KIF7: variants seen among roughly 807,000 people sequenced by gnomAD.
The protein encoded by KIF7 is kinesin family member 7, also known as kinesin-like protein KIF7.
Under a neutral mutation model 135.7 loss-of-function variants are expected in KIF7, and 104 were observed. That is an observed-to-expected ratio of 0.77 (90% CI 0.65 to 0.90). The LOEUF is 0.90. Ranked by LOEUF, KIF7 falls within the 40% of genes least tolerant of loss-of-function variation. The pLI is 0.00. For missense variants in KIF7, 2,005 were observed against 1,839.1 expected, an observed-to-expected ratio of 1.09 and a Z score of -1.65; for synonymous variants, 883 against 809.4, an observed-to-expected ratio of 1.09 and a Z score of -1.54.
At chr15:89,622,484 G>A (rs893728683) in intron 1 of KIF7, among the ~76,000 whole-genome samples, 3 of 152,126 alleles carry the variant, frequency 2.0e-5, no homozygotes, top group Admixed American at 6.5e-5. Context: ...TAGACTCCCC[G>A]TCCGCTAAAG....
At chr15:89,641,722 A>AC (rs1423178305) in intron 11 of KIF7, among the ~76,000 whole-genome samples, 1 of 152,060 alleles carries the variant, frequency 6.6e-6, no homozygotes, top group Non-Finnish European at 1.5e-5. Context: ...AATCACTTGA[A>AC]CCCAGGAGGC....
downstream of KIF7, chr15:89,624,402 CT>C: frequency 6.2e-7 from 1 of 1,614,192 alleles, no homozygotes. Context: ...CCCCTGAACT[CT>C]CACAGAGAGC....
At chr15:89,628,934 G>A in intron 18 of KIF7, 42 bp downstream of exon 18, 1 of 1,613,796 alleles carries the variant, frequency 6.2e-7, no homozygotes, top group Non-Finnish European at 8.5e-7. Context: ...TTTCCCCAAA[G>A]AAAGGGAACA....
At chr15:89,662,227 T>C in the KIF7 span, among the ~76,000 whole-genome samples, 1 of 151,990 alleles carries the variant, frequency 6.6e-6, no homozygotes, top group African/African-American at 2.4e-5. Context: ...CCAGGCATGG[T>C]GGTTCACACC....
intron 11 of KIF7, among the ~76,000 whole-genome samples, chr15:89,637,681 G>C (rs1323070567): frequency 4.1e-5 from 6 of 146,010 alleles, no homozygotes; most frequent in Non-Finnish European, 9.1e-5. Context: ...ATAATCAATA[G>C]CTTACCAACC....
chr15:89,618,828 A>G (rs906059043), intron 1 of KIF7, among the ~76,000 whole-genome samples: 1 of 152,196 alleles, frequency 6.6e-6, no homozygotes. Context: ...TCATGTTGGC[A>G]TACTCCTATG....
chr15:89,634,726 G>A (rs1963766534), intron 11 of KIF7, among the ~76,000 whole-genome samples: 1 of 152,240 alleles, frequency 6.6e-6, no homozygotes, highest in Non-Finnish European at 1.5e-5. Context: ...AGATCAAACT[G>A]CAAGGTGGCA....
At chr15:89,631,443 C>T in intron 15 of KIF7, 52 bp downstream of exon 15, 1 of 1,464,036 alleles carries the variant, frequency 6.8e-7, no homozygotes, top group Non-Finnish European at 9.3e-7. Context: ...GGAGAGCAGA[C>T]AGACAGGCAT....
rs751344600 is a variant in KIF7 at position 89,647,018 on chromosome 15, G to A, written c.1600C>T (p.Leu534=). The stretch of plus-strand genomic sequence containing the variant: ...CGCACCAGCTCTAACCGCAGCCGCA[G>A]TTCCACCATCTCCTCCTGCTGCTCA... ...LREQQEEMVE[L]RLRLELVRPG... Residue 534 remains leucine (L), a synonymous_variant, in exon 7 of 19, where the codon CTG becomes TTG. Coordinates refer to ENST00000394412, the MANE Select transcript of KIF7 (RefSeq NM_198525.3). The A allele has an allele frequency of 4.3e-6, 7 of 1,610,706 alleles. No homozygotes were observed. The highest frequency in any genetic ancestry group is 5.9e-6 in the Non-Finnish European group (7 of 1,178,934).
chr15:89,644,210 C>T (rs1321601146), intron 10 of KIF7, among the ~76,000 whole-genome samples: 1 of 152,110 alleles, frequency 6.6e-6, no homozygotes, highest in Admixed American at 6.5e-5. Context: ...ATAAACGCTC[C>T]ACTGGCCAGC....
intron 2 of KIF7, among the ~76,000 whole-genome samples, chr15:89,651,390 G>A (rs1456048429): frequency 2.0e-5 from 3 of 152,116 alleles, no homozygotes; most frequent in Non-Finnish European, 4.4e-5. Flanking sequence ...GAGCCACCAC[G>A]CCCGGCTCAG....
rs754648957 is a variant in KIF7, at chr15:89,645,322, C to G, written c.2038+14G>C. On this transcript the variant is annotated intron_variant, in intron 9 of 18. Coordinates refer to ENST00000394412, the MANE Select transcript of KIF7 (RefSeq NM_198525.3). Reference sequence around the variant, plus strand: ...AGTGGGGAGGAGGCCCTCTCTGCATCCCACCCAGCTTACCTCTGGACCCTG... The same window carrying G: ...AGTGGGGAGGAGGCCCTCTCTGCATGCCACCCAGCTTACCTCTGGACCCTG... The G allele has an allele frequency of 1.2e-5, 19 of 1,612,248 alleles. No homozygotes were observed. The East Asian group carries it at 4.0e-4, about 34-fold the overall frequency.
At chr15:89,625,714 A>T (rs1298013712), downstream of KIF7, 4 of 1,613,272 alleles carry the variant, frequency 2.5e-6, no homozygotes, top group Non-Finnish European at 3.4e-6. Context: ...AGTTAGTAAG[A>T]GTAAAGAGGG....
At chr15:89,650,071 GC>G in intron 2 of KIF7, 130 bp from the exon 3 acceptor site, 1 of 926,396 alleles carries the variant, frequency 1.1e-6, no homozygotes, top group Non-Finnish European at 1.7e-6. Context: ...AGTGGCCGAG[GC>G]CAGGATGGGA....
At chr15:89,648,936 CG>C in intron 4 of KIF7, 37 bp downstream of exon 4, 1 of 1,497,114 alleles carries the variant, frequency 6.7e-7, no homozygotes, top group African/African-American at 1.4e-5. Context: ...CCCGCCTCCC[CG>C]GCCCCCAGGC....
At position 89,628,578 on chromosome 15, in the gene KIF7, C is replaced by G. The variant is rs763825284; in HGVS notation, c.3873G>C (p.Glu1291Asp). ...SLCGEEQGSP[E>D]ELRQREAAEP... ...CAGCCGCCTCCCGCTGCCTCAGTTC[C>G]TCGGGGGACCCCTGCTCCTCACCAC... The change falls in exon 19 of 19, where the codon GAG (glutamate) becomes GAC (aspartate). Residue 1291 changes from glutamate (E) to aspartate (D), a missense_variant. Coordinates refer to ENST00000394412, the MANE Select transcript of KIF7 (RefSeq NM_198525.3). 1 of 1,613,546 alleles carries G rather than the reference C, an allele frequency of 6.2e-7. No homozygotes were observed. The highest frequency in any genetic ancestry group is 1.1e-5 in the South Asian group (1 of 91,088).
rs371645372 is a variant in KIF7 at position 89,628,693 on chromosome 15, G to T, written c.3758C>A (p.Pro1253His). 24 of 1,612,948 alleles carry T rather than the reference G, an allele frequency of 1.5e-5. No individual in the cohort carries two copies. Among genetic ancestry groups the T allele is most frequent in the Non-Finnish European group, 9.3e-6 (11 of 1,179,912 alleles). ...GGTGCGGGGGGCCCCCTCAGTGAGGGGGGACAGCCAGAGAAGCTCGGGTGC... is the reference window on the plus strand; with the variant it reads ...GGTGCGGGGGGCCCCCTCAGTGAGGTGGGACAGCCAGAGAAGCTCGGGTGC... ...HLAPELLWLS[P>H]LTEGAPRTRE... The change falls in exon 19 of 19, where the codon CCC (proline) becomes CAC (histidine). Residue 1253 changes from proline to histidine, a missense_variant. By Grantham distance (77) the Pro-to-His change is moderately conservative (BLOSUM62 -2). Transcript: ENST00000394412.
Position 89,648,682 on chromosome 15 carries a change from G to A in KIF7, c.1016C>T (p.Thr339Ile). The change falls in exon 5 of 19, where the codon ACC becomes ATC. Residue 339 changes from threonine (T) to isoleucine (I), a missense_variant. Thr to Ile is a moderately conservative substitution (Grantham distance 89). Coordinates refer to ENST00000394412, the MANE Select transcript of KIF7 (RefSeq NM_198525.3). ...SSSDFDETLN[T>I]LNYASRAQNI... ...CTGGGCGCGGCTGGCGTAGTTGAGG[G>A]TGTTGAGGGTCTCGTCGAAGTCGGA... is the stretch of plus-strand genomic sequence containing the variant. 2 of 1,535,994 alleles carry A rather than the reference G, an allele frequency of 1.3e-6. No homozygotes were observed. Among genetic ancestry groups the A allele is most frequent in the Non-Finnish European group, 1.7e-6 (2 of 1,146,380 alleles).
At chr15:89,643,045 A>G (rs1169946945) in intron 10 of KIF7, among the ~76,000 whole-genome samples, 1 of 151,060 alleles carries the variant, frequency 6.6e-6, no homozygotes, top group Non-Finnish European at 1.5e-5. Context: ...AATGAGCTAA[A>G]TGACACCACA....
Sources: allele counts gnomAD v4.1 joint callset (sites outside exome capture counted in the v4.1 genomes callset), GRCh38; gene constraint gnomAD v4.1.1; transcripts MANE v1.5; gene names NCBI Gene and HGNC (gene_info 2026-07-23, HGNC 2026-07-21).